The following PPP1R9A variants were observed in gnomAD, a reference collection of about 807,000 sequenced individuals.
The protein encoded by PPP1R9A is neurabin-1.
PPP1R9A carries 59 observed loss-of-function variants against 141.9 expected under a neutral mutation model. The observed-to-expected ratio is 0.42, with a 90% confidence interval of 0.34 to 0.52. PPP1R9A has a LOEUF of 0.52. Among genes scored for constraint, PPP1R9A ranks in the 20% least tolerant of loss-of-function variants. PPP1R9A has a pLI of 0.10. For synonymous variants in PPP1R9A, 500 were observed against 569.7 expected, an observed-to-expected ratio of 0.88 and a Z score of 1.74; for missense variants, 1,444 against 1,611.9, an observed-to-expected ratio of 0.90 and a Z score of 1.78.
At chr7:94,970,195 G>GCAT (rs963989907) in intron 2 of PPP1R9A, among the ~76,000 whole-genome samples, 1 of 152,100 alleles carries the variant, frequency 6.6e-6, no homozygotes, top group Non-Finnish European at 1.5e-5. Flanking sequence ...ACTGGGGTAT[G>GCAT]AAAAAACACT....
At chr7:95,034,484 T>C (rs998021256) in intron 2 of PPP1R9A, among the ~76,000 whole-genome samples, 1 of 152,170 alleles carries the variant, frequency 6.6e-6, no homozygotes, top group African/African-American at 2.4e-5. Context: ...TTCTCATGCC[T>C]CAGCCTCCCG....
rs143018268 is a variant in PPP1R9A, at chr7:95,130,330, T to A, written c.1649+9498T>A. On this transcript the variant is annotated intron_variant, in intron 4 of 19. Coordinates refer to ENST00000433360, the MANE Select transcript of PPP1R9A (RefSeq NM_001166160.2). ...GCCCCAAGCCTTGGCAGCTTCCATA[T>A]GGTGTTGAGCCTGCAAGTGCACAAA... Among the ~76,000 whole-genome samples, 3 of 152,230 alleles carry A rather than the reference T, an allele frequency of 2.0e-5. No homozygotes were observed. In the East Asian group the frequency reaches 5.8e-4, roughly 29 times the overall value.
chr7:95,279,979 A>G (rs1308185224), intron 16 of PPP1R9A, among the ~76,000 whole-genome samples: 1 of 152,192 alleles, frequency 6.6e-6, no homozygotes, highest in Non-Finnish European at 1.5e-5. Flanking sequence ...AATGATTCAG[A>G]GTTGAACACT....
chr7:95,203,761 C>G (rs2152879531), intron 7 of PPP1R9A, 31 bp downstream of exon 7: 2 of 1,397,690 alleles, frequency 1.4e-6, no homozygotes, highest in East Asian at 5.0e-5. Flanking sequence ...TAATGCTTAC[C>G]TGTACTTTCC....
chr7:94,994,222 A>G (rs374842665), intron 2 of PPP1R9A, among the ~76,000 whole-genome samples: 1 of 152,142 alleles, frequency 6.6e-6, no homozygotes, highest in Admixed American at 6.5e-5. Context: ...AAACTTAGAA[A>G]GGCCTGTTTG....
intron 2 of PPP1R9A, among the ~76,000 whole-genome samples, chr7:94,996,231 A>G (rs910156730): frequency 2.6e-5 from 4 of 152,232 alleles, no homozygotes; most frequent in African/African-American, 7.2e-5. Flanking sequence ...TAGGAAAAAA[A>G]CAGAATAACA....
chr7:95,090,528 G>A (rs1817203956), intron 2 of PPP1R9A, among the ~76,000 whole-genome samples: 1 of 151,894 alleles, frequency 6.6e-6, no homozygotes, highest in African/African-American at 2.4e-5. Flanking sequence ...TAAAAAATCA[G>A]CCAGGCACGA....
chr7:95,081,086 A>G (rs944518432), intron 2 of PPP1R9A, among the ~76,000 whole-genome samples: 4 of 152,212 alleles, frequency 2.6e-5, no homozygotes, highest in African/African-American at 9.6e-5. Flanking sequence ...AGCTTCATCT[A>G]TTCCTAACAA....
chr7:95,030,442 G>A (rs1807505378), intron 2 of PPP1R9A, among the ~76,000 whole-genome samples: 1 of 152,086 alleles, frequency 6.6e-6, no homozygotes, highest in African/African-American at 2.4e-5. Context: ...AGACTGTAGA[G>A]AAAAACTGTA....
At chr7:95,156,320 G>C (rs574847929) in intron 4 of PPP1R9A, 2 of 152,356 alleles carry the variant, frequency 1.3e-5, no homozygotes, top group Non-Finnish European at 2.9e-5. Flanking sequence ...GGAGATACTA[G>C]GCACCACAGG....
rs1055518164 is a variant in PPP1R9A, at chr7:95,253,712, A to G, written c.2665+1582A>G. On this transcript the variant is annotated intron_variant, in intron 12 of 19. Transcript: ENST00000433360. ...TATATGGTTTAGTCTTTGAAGCCAA[A>G]AAAGTAATTTATTTGAGCTCTTATG... Among the ~76,000 whole-genome samples the G allele has an allele frequency of 1.9e-4, 29 of 152,160 alleles. 1 individual carries two copies. Among genetic ancestry groups the G allele is most frequent in the African/African-American group, 6.8e-4 (28 of 41,448 alleles).
chr7:95,247,603 A>C, intron 9 of PPP1R9A, 77 bp downstream of exon 9: 1 of 1,235,276 alleles, frequency 8.1e-7, no homozygotes, highest in East Asian at 2.4e-5. Context: ...CCTAGGACTA[A>C]AGGTTTTGTC....
chr7:95,089,721 G>GTTT (rs368117090), intron 2 of PPP1R9A, among the ~76,000 whole-genome samples: 3 of 147,302 alleles, frequency 2.0e-5, no homozygotes, highest in Non-Finnish European at 3.0e-5. Context: ...TTAGAAGCTC[G>GTTT]TTTTTTTTTT....
chr7:95,118,985 CAA>C (rs11353708), intron 3 of PPP1R9A, among the ~76,000 whole-genome samples: 81 of 129,114 alleles, frequency 6.3e-4, no homozygotes, highest in African/African-American at 5.9e-4. Context: ...TTGTCTCAAA[CAA>C]AAAAAAAAAA....
At chr7:94,996,093 C>G (rs1802130972) in intron 2 of PPP1R9A, among the ~76,000 whole-genome samples, 1 of 152,046 alleles carries the variant, frequency 6.6e-6, no homozygotes, top group African/African-American at 2.4e-5. Context: ...ACAATGTTTT[C>G]CAGTCTGGTA....
chr7:95,096,737 A>T (rs937794515), intron 2 of PPP1R9A, among the ~76,000 whole-genome samples: 3 of 152,118 alleles, frequency 2.0e-5, no homozygotes, highest in African/African-American at 7.2e-5. Flanking sequence ...AGCCTTGGCC[A>T]TGTTGGCTTA....
At chr7:95,119,155 C>T (rs1027895122) in intron 3 of PPP1R9A, among the ~76,000 whole-genome samples, 1 of 152,024 alleles carries the variant, frequency 6.6e-6, no homozygotes, top group Non-Finnish European at 1.5e-5. Flanking sequence ...GCTAGTAAAG[C>T]ATGATTACAA....
intron 2 of PPP1R9A, among the ~76,000 whole-genome samples, chr7:94,963,150 A>G (rs1290075056): frequency 2.6e-5 from 4 of 152,126 alleles, no homozygotes; most frequent in Non-Finnish European, 4.4e-5. Flanking sequence ...ATTAAAATAT[A>G]TTTAATATGG....
Position 95,268,543 on chromosome 7 carries a change from T to C in PPP1R9A, c.2666-7T>C. Reference sequence around the variant, plus strand: ...TTCTCTCACTGATTATCTTTCAATATTCTTAGACTTGAATGAAGCAGTCCC... The same window carrying C: ...TTCTCTCACTGATTATCTTTCAATACTCTTAGACTTGAATGAAGCAGTCCC... On this transcript the variant is annotated splice_region_variant and splice_polypyrimidine_tract_variant and intron_variant, in intron 12 of 19. Transcript: ENST00000433360. 1 of 1,612,760 alleles carries C rather than the reference T, an allele frequency of 6.2e-7. No homozygotes were observed. The highest frequency in any genetic ancestry group is 8.5e-7 in the Non-Finnish European group (1 of 1,179,184).
Sources: allele counts gnomAD v4.1 joint callset (sites outside exome capture counted in the v4.1 genomes callset), GRCh38; gene constraint gnomAD v4.1.1; transcripts MANE v1.5; gene names NCBI Gene and HGNC (gene_info 2026-07-23, HGNC 2026-07-21).